MEST: variants seen among roughly 807,000 people sequenced by gnomAD.
The protein encoded by MEST is mesoderm-specific transcript homolog protein.
In MEST, 18 loss-of-function variants were observed where a neutral mutation model predicts 50.9. That is an observed-to-expected ratio of 0.35 (90% CI 0.24 to 0.52). The LOEUF is 0.52. Among genes scored for constraint, MEST ranks in the 20% least tolerant of loss-of-function variants. MEST has a pLI of 0.94. For synonymous variants in MEST, 130 were observed against 154.1 expected (o/e 0.84, Z 1.16); for missense variants, 282 against 425.3 (o/e 0.66, Z 2.96).
At chr7:130,490,216 G>A (rs1336116179), upstream of MEST, among the ~76,000 whole-genome samples, 1 of 152,094 alleles carries the variant, frequency 6.6e-6, no homozygotes, top group Non-Finnish European at 1.5e-5. Context: ...ACCAATTAAG[G>A]CCATAAAGAG....
chr7:130,488,808 A>G (rs1798698752), upstream of MEST: 1 of 152,228 alleles, frequency 6.6e-6, no homozygotes, highest in African/African-American at 2.4e-5. Flanking sequence ...ACAGAATAAA[A>G]TGCTTTCTGT....
rs782524535 is a variant in MEST at position 130,502,644 on chromosome 7, T to C, written c.750T>C (p.Ser250=). 1 of 1,613,390 alleles carries C rather than the reference T, an allele frequency of 6.2e-7. No homozygotes were observed. The highest frequency in any genetic ancestry group is 8.5e-7 in the Non-Finnish European group (1 of 1,179,452). Residue 250 remains serine (S), a splice_region_variant and synonymous_variant, in exon 10 of 12, where the codon AGT becomes AGC. Coordinates refer to ENST00000223215, the MANE Select transcript of MEST (RefSeq NM_002402.4). ...RNNDGNLVID[S]LLQYINQRKK... Reference sequence around the variant, plus strand: ...ACATGCTGACTTACCTGTCCTACAGTCTCTTACAGTACATCAATCAGAGGA... The same window carrying C: ...ACATGCTGACTTACCTGTCCTACAGCCTCTTACAGTACATCAATCAGAGGA...
chr7:130,491,268 C>G (rs1554435115), upstream of MEST: 1 of 152,300 alleles, frequency 6.6e-6, no homozygotes, highest in African/African-American at 2.4e-5. This position sits in a 1 kb window ranked among gnomAD's most constrained non-coding sequence, Gnocchi z 6.8. Context: ...GCTTTGCTCT[C>G]CTAATTGTGC....
rs1465682023 is a variant in MEST, at chr7:130,500,462, C to G, written c.577C>G (p.Leu193Val). 7.4e-6 allele frequency: 12 copies of G among 1,613,428 alleles called. No individual in the cohort carries two copies. Among genetic ancestry groups the G allele is most frequent in the Non-Finnish European group, 9.3e-6 (11 of 1,179,642 alleles). The change falls in exon 8 of 12, where the codon CTA (leucine) becomes GTA (valine). Residue 193 changes from leucine (L) to valine (V), a missense_variant and splice_region_variant. By Grantham distance (32) the Leu-to-Val change is conservative. Transcript: ENST00000223215. This position sits in a 1 kb window ranked among gnomAD's most constrained non-coding sequence, Gnocchi z 5.0. The stretch of plus-strand genomic sequence containing the variant: ...TTTACCTCCACTTATTCCCCTCCAG[C>G]TACTCAAAGATGGAGGTGTGCTGTC... The part of the protein sequence containing the change: ...ETHRPLLLQK[L>V]LKDGGVLSPI...
In MEST at chr7:130,498,406, G is replaced by C. The variant is rs201300432; in HGVS notation, c.477-13G>C. 1.4e-5 allele frequency: 23 copies of C among 1,613,810 alleles called. No individual in the cohort carries two copies. Among genetic ancestry groups the C allele is most frequent in the Non-Finnish European group, 1.9e-5 (22 of 1,179,996 alleles). On this transcript the variant is annotated splice_polypyrimidine_tract_variant and intron_variant, in intron 5 of 11. Coordinates refer to ENST00000223215, the MANE Select transcript of MEST (RefSeq NM_002402.4). ...TGCTCAGCTACATGTGTGTTTCCTC[G>C]TCTCCCTTCTAGGTACAAGCAGAAT...
intron 2 of MEST, 170 bp from the exon 3 acceptor site, chr7:130,496,986 C>G (rs554305852): frequency 6.2e-6 from 3 of 487,158 alleles, no homozygotes. Flanking sequence ...GAGAAAAGGC[C>G]TGTTCTCACC....
In MEST at chr7:130,500,594, A is replaced by G; in HGVS notation, c.647+62A>G. 6.7e-7 allele frequency: 1 copy of G among 1,501,272 alleles called. No individual in the cohort carries two copies. Among genetic ancestry groups the G allele is most frequent in the Non-Finnish European group, 9.2e-7 (1 of 1,091,142 alleles). The allele number at this position is 1,501,272 out of a possible 1,614,324, so 93.0% of individuals were successfully genotyped here. A position where few individuals can be genotyped will look rare whatever the true frequency, so the allele number is the denominator to read the frequency against. On this transcript the variant is annotated intron_variant, in intron 8 of 11. Transcript: ENST00000223215. The surrounding 1 kb of genome is among the most constrained non-coding windows in gnomAD (Gnocchi z 5.0). ...TGTCGTGAAAAGTTGCTGCCATTAC[A>G]ATTCTGGGCCAAATCCTAAGGCTTG...
chr7:130,488,274 C>T (rs1554434264), upstream of MEST: 1 of 152,230 alleles, frequency 6.6e-6, no homozygotes, highest in East Asian at 1.9e-4. Flanking sequence ...ATGGCTGAGC[C>T]ACCCAATCCC....
At chr7:130,498,640 G>T (rs974678796) in intron 6 of MEST, 163 bp downstream of exon 6, 1 of 659,886 alleles carries the variant, frequency 1.5e-6, no homozygotes, top group Non-Finnish European at 2.7e-6. Context: ...GGTCTGACAA[G>T]ATTTATGGAC....
Position 130,492,086 on chromosome 7 carries a change from G to A in MEST, c.-228G>A. 3.8e-6 allele frequency: 1 copy of A among 259,902 alleles called. No homozygotes were observed. The highest frequency in any genetic ancestry group is 7.2e-6 in the Non-Finnish European group (1 of 138,658). 16.1% of individuals were successfully genotyped at this position (259,902 alleles called of 1,614,324 possible). On this transcript the variant is annotated 5_prime_UTR_variant, in exon 1 of 12. Coordinates refer to ENST00000223215, the MANE Select transcript of MEST (RefSeq NM_002402.4). The surrounding 1 kb of genome is among the most constrained non-coding windows in gnomAD (Gnocchi z 7.6). ...AGTCGGTGCCCACTCGCTCCGCGCT[G>A]CCGCGGCAACCAGCACACCCCGGCA...
chr7:130,499,408 C>A (rs1367371882), intron 6 of MEST, among the ~76,000 whole-genome samples: 1 of 152,110 alleles, frequency 6.6e-6, no homozygotes, highest in Admixed American at 6.5e-5. Flanking sequence ...TTCTTACAGC[C>A]CAAATCATTA....
In MEST at chr7:130,503,919, T is replaced by C; in HGVS notation, c.827-14T>C. ...GAGAGCTGTTAAGTATTTCATTCCT[T>C]TTCTCTTTTCTAGTTCATTTTATCT... On this transcript the variant is annotated splice_polypyrimidine_tract_variant and intron_variant, in intron 10 of 11. Coordinates refer to ENST00000223215, the MANE Select transcript of MEST (RefSeq NM_002402.4). 6.2e-7 allele frequency: 1 copy of C among 1,604,900 alleles called. No individual in the cohort carries two copies. Among genetic ancestry groups the C allele is most frequent in the African/African-American group, 1.3e-5 (1 of 74,860 alleles).
chr7:130,496,845 T>C (rs1354393826), intron 2 of MEST: 4 of 196,096 alleles, frequency 2.0e-5, no homozygotes, highest in East Asian at 2.6e-4. Context: ...CTGAAAAAAT[T>C]TGCATATTAC....
At position 130,499,903 on chromosome 7, in the gene MEST, C is replaced by T. The variant is rs782187535; in HGVS notation, c.564C>T (p.Leu188=). ...TCTTTCCTGAGACTCACCGTCCACT[C>T]CTTCTCCAAAAGGTTGGTACTTCAC... ...GGIFPETHRP[L]LLQKLLKDGG... The change falls in exon 7 of 12, where the codon CTC becomes CTT. Residue 188 remains leucine, a synonymous_variant. Coordinates refer to ENST00000223215, the MANE Select transcript of MEST (RefSeq NM_002402.4). 7 of 1,612,694 alleles carry T rather than the reference C, an allele frequency of 4.3e-6. No homozygotes were observed. In the South Asian group the frequency reaches 6.6e-5, roughly 15 times the overall value.
chr7:130,498,765 T>C, intron 6 of MEST: 1 of 504,682 alleles, frequency 2.0e-6, no homozygotes, highest in East Asian at 3.6e-5. Flanking sequence ...TTCAATGCAT[T>C]AGATAGCAAG....
chr7:130,497,394 TAAAAGTATA>T lies in MEST; in HGVS notation c.261+164_261+172del. On this transcript the variant is annotated intron_variant, in intron 3 of 11. Coordinates refer to ENST00000223215, the MANE Select transcript of MEST (RefSeq NM_002402.4). This position sits in a 1 kb window ranked among gnomAD's most constrained non-coding sequence, Gnocchi z 4.0. ...CAACATGGCAAAACCCCATCTCTAC[TAAAAGTATA>T]AAAATTGGCCAGGCATGGTGGCACA... is the stretch of plus-strand genomic sequence containing the variant. 2.1e-6 allele frequency: 1 copy of T among 469,888 alleles called. No homozygotes were observed. 29.1% of individuals were successfully genotyped at this position (469,888 alleles called of 1,614,324 possible). A position where few individuals can be genotyped will look rare whatever the true frequency, so the allele number is the denominator to read the frequency against.
chr7:130,499,922 A>C lies in MEST; in HGVS notation c.576+7A>C. On this transcript the variant is annotated splice_region_variant and intron_variant, in intron 7 of 11. Coordinates refer to ENST00000223215, the MANE Select transcript of MEST (RefSeq NM_002402.4). ...TCCACTCCTTCTCCAAAAGGTTGGT[A>C]CTTCACTGATAGACCTTTAGTTTTA... 6.2e-7 allele frequency: 1 copy of C among 1,611,070 alleles called. No homozygotes were observed. Among genetic ancestry groups the C allele is most frequent in the Non-Finnish European group, 8.5e-7 (1 of 1,178,004 alleles).
In MEST at chr7:130,492,450, ACT is replaced by A; in HGVS notation, c.26+114_26+115del. ...GAGCTGGGGCTGCCTCTGGGCGAAA[ACT>A]CTACCGACAGGCGGCACGCATTCCG... is the stretch of plus-strand genomic sequence containing the variant. On this transcript the variant is annotated intron_variant, in intron 1 of 11. Coordinates refer to ENST00000223215, the MANE Select transcript of MEST (RefSeq NM_002402.4). The surrounding 1 kb of genome is among the most constrained non-coding windows in gnomAD (Gnocchi z 7.6). 3 of 974,370 alleles carry A rather than the reference ACT, an allele frequency of 3.1e-6. No individual in the cohort carries two copies. Among genetic ancestry groups the A allele is most frequent in the Non-Finnish European group, 4.0e-6 (3 of 750,468 alleles). 60.4% of individuals were successfully genotyped at this position (974,370 alleles called of 1,614,324 possible).
chr7:130,495,262 T>C (rs1396656791), intron 1 of MEST, 106 bp from the exon 2 acceptor site: 2 of 1,193,120 alleles, frequency 1.7e-6, no homozygotes, highest in Non-Finnish European at 2.4e-6. Context: ...AATGTAATCA[T>C]TGCATGGTAA....
Sources: gnomAD v4.1 joint callset for allele counts (sites outside exome capture counted in the v4.1 genomes callset) on GRCh38, gnomAD v4.1.1 for gene constraint, Gnocchi (gnomAD v3.1) non-coding constraint, MANE v1.5 for transcripts, NCBI Gene and HGNC (gene_info 2026-07-23, HGNC 2026-07-21) for gene names.